Variants in TENM2 observed in about 807,000 individuals in gnomAD.
TENM2 encodes teneurin-2.
In TENM2, 52 loss-of-function variants were observed where a neutral mutation model predicts 245.2. The observed-to-expected ratio is 0.21, with a 90% CI of 0.17 to 0.27. The LOEUF (loss-of-function observed/expected upper bound fraction) is 0.27. TENM2 is among the 10% of genes least tolerant of loss of function. The pLI is 1.00. For synonymous variants in TENM2, 1,363 were observed against 1,438.9 expected, an observed-to-expected ratio of 0.95 and a Z score of 1.19; for missense variants, 3,046 against 3,666.8, an observed-to-expected ratio of 0.83 and a Z score of 4.37.
At chr5:167,756,203 G>A (rs1278123612) in intron 2 of TENM2, among the ~76,000 whole-genome samples, 1 of 152,074 alleles carries the variant, frequency 6.6e-6, no homozygotes, top group African/African-American at 2.4e-5. Context: ...AACCTAAGTT[G>A]CTGTTTCCAT....
intron 1 of TENM2, among the ~76,000 whole-genome samples, chr5:167,370,447 A>G (rs1760346234): frequency 6.6e-6 from 1 of 151,964 alleles, no homozygotes; most frequent in Admixed American, 6.6e-5. Context: ...ATATTTATCA[A>G]GAGAGTTATT....
At chr5:166,998,141 C>T in the TENM2 span, among the ~76,000 whole-genome samples, 8 of 151,866 alleles carry the variant, frequency 5.3e-5, no homozygotes, top group African/African-American at 7.3e-5. Context: ...GCAAAAGGAA[C>T]GATACATGCA....
At chr5:167,698,687 T>G (rs562831570) in intron 2 of TENM2, among the ~76,000 whole-genome samples, 63 of 141,548 alleles carry the variant, frequency 4.5e-4, no homozygotes, top group South Asian at 8.7e-4. Context: ...TTGTTTTTTT[T>G]TTTTTTTTTT....
chr5:167,520,845 A>T (rs1038801879), intron 2 of TENM2, among the ~76,000 whole-genome samples: 3 of 151,436 alleles, frequency 2.0e-5, no homozygotes, highest in African/African-American at 7.3e-5. Context: ...TTTCAGCTCC[A>T]ATTTTTAACG....
chr5:168,017,681 T>C (rs573485782), intron 5 of TENM2, among the ~76,000 whole-genome samples: 16 of 152,314 alleles, frequency 1.1e-4, no homozygotes, highest in African/African-American at 2.6e-4. Context: ...GCACTTAGCC[T>C]AGGATTGGCA....
the TENM2 span, among the ~76,000 whole-genome samples, chr5:167,015,993 C>G: frequency 2.6e-5 from 4 of 151,856 alleles, no homozygotes; most frequent in Non-Finnish European, 4.4e-5. Flanking sequence ...GGTGGCTCAC[C>G]CCTGTAATCC....
the TENM2 span, among the ~76,000 whole-genome samples, chr5:166,981,644 T>G: frequency 6.6e-6 from 1 of 152,224 alleles, no homozygotes; most frequent in African/African-American, 2.4e-5. Context: ...CTAATTGTTA[T>G]GTAACATATT....
chr5:167,569,428 G>C (rs947331561), intron 2 of TENM2, among the ~76,000 whole-genome samples: 1 of 152,054 alleles, frequency 6.6e-6, no homozygotes, highest in African/African-American at 2.4e-5. Context: ...GAAGAACGGG[G>C]CACAAACCAG....
rs1400022534 is a variant in TENM2, at chr5:168,023,976, CATAT to C, written c.1187-23447_1187-23444del. On this transcript the variant is annotated intron_variant, in intron 5 of 28. Coordinates refer to ENST00000518659, the Ensembl canonical transcript of TENM2. Reference sequence around the variant, plus strand: ...CTGTGACGTATATATAAGATGTATACATATATAGAGAGAGATATTTATACACATA... The same window carrying C: ...CTGTGACGTATATATAAGATGTATACATAGAGAGAGATATTTATACACATA... 4.6e-5 allele frequency among the ~76,000 whole-genome samples: 7 copies of C among 151,998 alleles called. No individual in the cohort carries two copies. In the East Asian group the frequency reaches 1.3e-3, roughly 29 times the overall value.
rs943466299 is a variant in TENM2, at chr5:168,226,321, C to G, written c.5284+58C>G. On this transcript the variant is annotated intron_variant, in intron 24 of 28. Transcript: ENST00000518659. ...ACTCACCCATAGACCCAGAACCCAG[C>G]CAAGCCCAACATGTGAGTTATGCAG... 6 of 1,519,374 alleles carry G rather than the reference C, an allele frequency of 3.9e-6. No homozygotes were observed. The African/African-American group carries it at 8.2e-5, about 21-fold the overall frequency. 94.1% of individuals were successfully genotyped at this position (1,519,374 alleles called of 1,614,324 possible). A position where few individuals can be genotyped will look rare whatever the true frequency, so the allele number is the denominator to read the frequency against.
intron 2 of TENM2, among the ~76,000 whole-genome samples, chr5:167,813,872 T>C (rs963512355): frequency 2.6e-5 from 4 of 152,134 alleles, no homozygotes; most frequent in Admixed American, 6.6e-5. Context: ...CATATTACAA[T>C]GCAGGAAGGC....
chr5:167,528,578 G>A (rs1771276145), intron 2 of TENM2, among the ~76,000 whole-genome samples: 1 of 152,114 alleles, frequency 6.6e-6, no homozygotes, highest in Non-Finnish European at 1.5e-5. Flanking sequence ...CATACTAAGT[G>A]AGCTGGGATT....
At chr5:167,101,442 T>C in the TENM2 span, among the ~76,000 whole-genome samples, 3 of 152,128 alleles carry the variant, frequency 2.0e-5, no homozygotes, top group Non-Finnish European at 2.9e-5. Flanking sequence ...TAAGACATTA[T>C]ATTTTCCAAA....
intron 2 of TENM2, among the ~76,000 whole-genome samples, chr5:167,517,885 C>G (rs1034873782): frequency 1.3e-5 from 2 of 151,878 alleles, no homozygotes; most frequent in Non-Finnish European, 2.9e-5. Context: ...AGATCTTCCC[C>G]GTTCAAAAGC....
chr5:167,082,138 A>T, the TENM2 span, among the ~76,000 whole-genome samples: 3 of 152,160 alleles, frequency 2.0e-5, no homozygotes, highest in Non-Finnish European at 4.4e-5. Context: ...GCATTCTATT[A>T]TCATGTTTTG....
At chr5:168,030,180 T>A (rs2151948873) in intron 5 of TENM2, among the ~76,000 whole-genome samples, 1 of 140,428 alleles carries the variant, frequency 7.1e-6, no homozygotes, top group Admixed American at 7.3e-5. Flanking sequence ...TTTTTTTTTT[T>A]TTTTTTTCAT....
chr5:167,859,754 G>A (rs1245487709), intron 2 of TENM2, among the ~76,000 whole-genome samples: 3 of 96,808 alleles, frequency 3.1e-5, no homozygotes, highest in Admixed American at 8.5e-5. Context: ...CCCCCCGCCC[G>A]GCCAGCCGCC....
the TENM2 span, among the ~76,000 whole-genome samples, chr5:167,036,705 T>C: frequency 6.6e-6 from 1 of 152,146 alleles, no homozygotes; most frequent in Non-Finnish European, 1.5e-5. Context: ...CCAAATGACG[T>C]TGGTGTTTAT....
chr5:167,615,084 G>T (rs995499104), intron 2 of TENM2, among the ~76,000 whole-genome samples: 5 of 152,106 alleles, frequency 3.3e-5, no homozygotes, highest in African/African-American at 9.7e-5. Context: ...TGGAGCTCCT[G>T]ACAATATTCA....
Sources: gnomAD v4.1 joint callset for allele counts (sites outside exome capture counted in the v4.1 genomes callset) on GRCh38, gnomAD v4.1.1 for gene constraint, MANE v1.5 for transcripts, NCBI Gene and HGNC (gene_info 2026-07-23, HGNC 2026-07-21) for gene names.